The following TMPRSS11D variants were observed in gnomAD, a reference collection of about 807,000 sequenced individuals.
TMPRSS11D encodes the protein transmembrane protease serine 11D.
Under a neutral mutation model 44.4 loss-of-function variants are expected in TMPRSS11D, and 32 were observed. The observed-to-expected ratio is 0.72, with a 90% confidence interval of 0.54 to 0.97. TMPRSS11D has a LOEUF of 0.97. Ranked by LOEUF, TMPRSS11D falls within the 50% of genes least tolerant of loss-of-function variation. TMPRSS11D has a pLI of 0.00. For missense variants in TMPRSS11D, 446 were observed against 502.6 expected, an observed-to-expected ratio of 0.89 and a Z score of 1.08; for synonymous variants, 179 against 177.9, an observed-to-expected ratio of 1.01 and a Z score of -0.05.
Position 67,822,053 on chromosome 4 carries a change from G to T in TMPRSS11D, c.*284C>A, listed in dbSNP as rs1327173126. The T allele has an allele frequency of 3.5e-6, 1 of 286,400 alleles. No homozygotes were observed. Among genetic ancestry groups the T allele is most frequent in the East Asian group, 6.5e-5 (1 of 15,364 alleles). The allele number at this position is 286,400 out of a possible 1,614,324, so 17.7% of individuals were successfully genotyped here. ...AAGGTTCCTGTTCTTCTCACTACGG[G>T]CATTTAGCACAACTGTAATGAAATT... is the stretch of plus-strand genomic sequence containing the variant. On this transcript the variant is annotated 3_prime_UTR_variant, in exon 10 of 10. Coordinates refer to ENST00000283916, the MANE Select transcript of TMPRSS11D (RefSeq NM_004262.3).
At chr4:67,823,825 T>C (rs572593917) in intron 9 of TMPRSS11D, among the ~76,000 whole-genome samples, 1 of 143,114 alleles carries the variant, frequency 7.0e-6, no homozygotes. Context: ...TTTTGTAGTG[T>C]TTTTTTTTCT....
chr4:67,847,749 CTG>C (rs1305945541), intron 3 of TMPRSS11D, among the ~76,000 whole-genome samples: 1 of 151,896 alleles, frequency 6.6e-6, no homozygotes, highest in Non-Finnish European at 1.5e-5. Context: ...TTTTTGTTTT[CTG>C]TGTCTTAAGA....
intron 1 of TMPRSS11D, among the ~76,000 whole-genome samples, chr4:67,883,568 G>C (rs1237162778): frequency 7.2e-6 from 1 of 139,628 alleles, no homozygotes; most frequent in Non-Finnish European, 1.6e-5. Flanking sequence ...TCCTCGAAAA[G>C]TTCCAAACAA....
chr4:67,838,018 G>C (rs1302108731), intron 5 of TMPRSS11D, 154 bp downstream of exon 5: 2 of 509,960 alleles, frequency 3.9e-6, no homozygotes, highest in East Asian at 3.5e-5. Context: ...ATTTACGTTA[G>C]GGAGCTATAT....
chr4:67,863,328 C>CAAAAAA (rs561420216), intron 1 of TMPRSS11D, among the ~76,000 whole-genome samples: 14 of 89,136 alleles, frequency 1.6e-4, no homozygotes, highest in African/African-American at 3.6e-4. Context: ...TGGTCTTGCT[C>CAAAAAA]AAAAAAAAAA....
intron 1 of TMPRSS11D, among the ~76,000 whole-genome samples, chr4:67,866,862 G>A (rs1231418637): frequency 6.6e-6 from 1 of 152,004 alleles, no homozygotes; most frequent in Non-Finnish European, 1.5e-5. Flanking sequence ...ACCATCCCAT[G>A]CTCATGCATC....
At chr4:67,863,328 C>CA (rs561420216) in intron 1 of TMPRSS11D, among the ~76,000 whole-genome samples, 13,052 of 89,000 alleles carry the variant, frequency 0.15, 1,727 homozygotes, top group African/African-American at 0.36. Context: ...TGGTCTTGCT[C>CA]AAAAAAAAAA....
At chr4:67,878,691 C>T (rs991068745) in intron 1 of TMPRSS11D, among the ~76,000 whole-genome samples, 10 of 151,826 alleles carry the variant, frequency 6.6e-5, no homozygotes, top group African/African-American at 1.5e-4. Context: ...TTTGGGAGGC[C>T]GAGGTGGGCA....
chr4:67,820,933 C>T lies in TMPRSS11D; in HGVS notation c.*1404G>A, dbSNP rs1042144983. On this transcript the variant is annotated 3_prime_UTR_variant, in exon 10 of 10. Coordinates refer to ENST00000283916, the MANE Select transcript of TMPRSS11D (RefSeq NM_004262.3). Reference sequence around the variant, plus strand: ...ATAGCAAAGATTTGTTTGTACAGTTCGCCAAGAGTTGGTTGCATTTTCAAC... The same window carrying T: ...ATAGCAAAGATTTGTTTGTACAGTTTGCCAAGAGTTGGTTGCATTTTCAAC... 6.6e-6 allele frequency: 1 copy of T among 152,310 alleles called. No homozygotes were observed. The highest frequency in any genetic ancestry group is 1.9e-4 in the East Asian group (1 of 5,188). The allele number at this position is 152,310 out of a possible 1,614,324, so 9.4% of individuals were successfully genotyped here.
chr4:67,822,643 G>C (rs1717676382), intron 9 of TMPRSS11D, 145 bp from the exon 10 acceptor site: 4 of 880,296 alleles, frequency 4.5e-6, no homozygotes, highest in Non-Finnish European at 6.7e-6. Flanking sequence ...ATTATACCAA[G>C]TCATGGAAAA....
intron 3 of TMPRSS11D, among the ~76,000 whole-genome samples, chr4:67,853,557 CTGGCAGGCACCCAGAGGCTCT>C (rs1203914987): frequency 6.6e-6 from 1 of 152,150 alleles, no homozygotes; most frequent in Non-Finnish European, 1.5e-5. Flanking sequence ...GTGAGGTTTC[CTGGCAGGCACCCAGAGGCTCT>C]CTTCAAGTTA....
At chr4:67,862,031 G>T (rs1718803459) in intron 1 of TMPRSS11D, among the ~76,000 whole-genome samples, 1 of 152,000 alleles carries the variant, frequency 6.6e-6, no homozygotes, top group Non-Finnish European at 1.5e-5. Flanking sequence ...GCAGGGTCTT[G>T]GTCAGTTAGA....
At chr4:67,838,088 A>C in intron 5 of TMPRSS11D, 84 bp downstream of exon 5, 1 of 1,184,166 alleles carries the variant, frequency 8.4e-7, no homozygotes, top group Non-Finnish European at 1.1e-6. Flanking sequence ...AAGAAAAGTC[A>C]GCCTCTCAAT....
chr4:67,834,072 C>A (rs991067754), intron 6 of TMPRSS11D, among the ~76,000 whole-genome samples: 1 of 152,096 alleles, frequency 6.6e-6, no homozygotes. Context: ...TCAAAGAGCT[C>A]GTGAATAGTC....
chr4:67,876,365 T>C (rs956785306), intron 1 of TMPRSS11D, among the ~76,000 whole-genome samples: 2 of 152,080 alleles, frequency 1.3e-5, no homozygotes, highest in African/African-American at 4.8e-5. Flanking sequence ...TGGTAGTCTT[T>C]CTATATGTAG....
chr4:67,883,947 G>A lies in TMPRSS11D; in HGVS notation c.-14C>T. 6.2e-7 allele frequency: 1 copy of A among 1,600,946 alleles called. No homozygotes were observed. The highest frequency in any genetic ancestry group is 8.5e-7 in the Non-Finnish European group (1 of 1,174,314). On this transcript the variant is annotated 5_prime_UTR_variant, in exon 1 of 10. Coordinates refer to ENST00000283916, the MANE Select transcript of TMPRSS11D (RefSeq NM_004262.3). The stretch of plus-strand genomic sequence containing the variant: ...TTACCTATACATTTTAATCCTTAAT[G>A]AAGAGGTTCTTTTTTCTGCCTACTC...
intron 3 of TMPRSS11D, among the ~76,000 whole-genome samples, chr4:67,845,231 G>T (rs545031122): frequency 6.6e-6 from 1 of 152,266 alleles, no homozygotes; most frequent in South Asian, 2.1e-4. Flanking sequence ...AAAAGAAGAG[G>T]CCTATGAATA....
chr4:67,866,085 A>G (rs1355191125), intron 1 of TMPRSS11D, among the ~76,000 whole-genome samples: 1 of 151,880 alleles, frequency 6.6e-6, no homozygotes, highest in African/African-American at 2.4e-5. Flanking sequence ...TGAACACTAC[A>G]TAAAAATCCT....
chr4:67,843,095 AAGGGC>A (rs1718269834), intron 3 of TMPRSS11D, among the ~76,000 whole-genome samples: 1 of 141,520 alleles, frequency 7.1e-6, no homozygotes, highest in Admixed American at 8.2e-5. Context: ...GAAGGAAGCA[AAGGGC>A]AGTCTTTTTT....
Sources: allele counts gnomAD v4.1 joint callset (sites outside exome capture counted in the v4.1 genomes callset), GRCh38; gene constraint gnomAD v4.1.1; transcripts MANE v1.5; gene names NCBI Gene and HGNC (gene_info 2026-07-23, HGNC 2026-07-21).